The following CAAP1 variants were observed in gnomAD, a reference collection of about 807,000 sequenced individuals.
The protein encoded by CAAP1 is caspase activity and apoptosis inhibitor 1.
A neutral mutation model predicts 34.0 loss-of-function variants in CAAP1; 20 were observed. The ratio of observed to expected loss-of-function variants is 0.59; its 90% CI spans 0.41 to 0.86. CAAP1 has a LOEUF of 0.86. CAAP1 is among the 40% of genes least tolerant of loss of function. CAAP1 has a pLI of 0.00. For missense variants in CAAP1, 538 were observed against 450.5 expected (o/e 1.19, Z -1.76); for synonymous variants, 213 against 166.7 (o/e 1.28, Z -2.14).
chr9:26,854,715 A>C (rs1184916008), intron 5 of CAAP1, among the ~76,000 whole-genome samples: 1 of 152,234 alleles, frequency 6.6e-6, no homozygotes, highest in Non-Finnish European at 1.5e-5. Context: ...ATACGAAAAC[A>C]ACCCAGTTTT....
chr9:26,871,450 G>A (rs935216953), intron 4 of CAAP1, among the ~76,000 whole-genome samples: 6 of 151,710 alleles, frequency 4.0e-5, no homozygotes, highest in South Asian at 2.1e-4. Context: ...AGTGGTACTC[G>A]CCTGTAATCC....
chr9:26,889,907 CAG>C (rs1445101609), intron 1 of CAAP1, among the ~76,000 whole-genome samples: 1 of 144,922 alleles, frequency 6.9e-6, no homozygotes, highest in Non-Finnish European at 1.5e-5. Flanking sequence ...CAATACACAA[CAG>C]ATATAATGGC....
At chr9:26,885,723 T>C (rs1036227516) in intron 3 of CAAP1, among the ~76,000 whole-genome samples, 1 of 152,112 alleles carries the variant, frequency 6.6e-6, no homozygotes, top group African/African-American at 2.4e-5. Flanking sequence ...TGGGTCTTAT[T>C]AGAGAGTAAA....
At chr9:26,864,577 A>C (rs534346622) in intron 4 of CAAP1, among the ~76,000 whole-genome samples, 61 of 152,296 alleles carry the variant, frequency 4.0e-4, no homozygotes, top group African/African-American at 1.5e-3. Flanking sequence ...TGATTCTCTA[A>C]GGCTTCATTG....
chr9:26,859,476 C>T (rs187860785), intron 5 of CAAP1, among the ~76,000 whole-genome samples: 201 of 152,262 alleles, frequency 1.3e-3, no homozygotes, highest in African/African-American at 4.8e-3. Context: ...CTTTTCTTAT[C>T]CTTTATAGAA....
intron 4 of CAAP1, among the ~76,000 whole-genome samples, chr9:26,876,942 C>A (rs1352248429): frequency 6.6e-6 from 1 of 152,024 alleles, no homozygotes; most frequent in Non-Finnish European, 1.5e-5. Flanking sequence ...TCACTTGAGG[C>A]TGGGAGTTCA....
At chr9:26,885,304 T>C (rs972771929) in intron 3 of CAAP1, among the ~76,000 whole-genome samples, 2 of 151,956 alleles carry the variant, frequency 1.3e-5, no homozygotes, top group Non-Finnish European at 2.9e-5. Flanking sequence ...CTCGAACTCC[T>C]GACCTTGTGA....
Position 26,892,395 on chromosome 9 carries a change from A to G in CAAP1, c.303+18T>C. The G allele has an allele frequency of 6.2e-7, 1 of 1,604,204 alleles. No individual in the cohort carries two copies. The highest frequency in any genetic ancestry group is 8.5e-7 in the Non-Finnish European group (1 of 1,178,674). On this transcript the variant is annotated intron_variant, in intron 1 of 5. Coordinates refer to ENST00000333916, the MANE Select transcript of CAAP1 (RefSeq NM_024828.4). ...AAAGCAGCAGCTCCAGGAAGCGGCC[A>G]GAGGGGCGCGCACGCACCTGCTGCA... is the stretch of plus-strand genomic sequence containing the variant.
intron 5 of CAAP1, among the ~76,000 whole-genome samples, chr9:26,857,803 C>A (rs192608978): frequency 6.6e-6 from 1 of 152,124 alleles, no homozygotes; most frequent in Non-Finnish European, 1.5e-5. Flanking sequence ...AGTGTAAAAT[C>A]TGATACTCAT....
chr9:26,891,111 G>A (rs954560739), intron 1 of CAAP1, among the ~76,000 whole-genome samples: 17 of 152,298 alleles, frequency 1.1e-4, no homozygotes, highest in Admixed American at 6.5e-4. Context: ...AGGAGAAAAA[G>A]TATGTGATCA....
chr9:26,866,059 C>T (rs1161472368), intron 4 of CAAP1, among the ~76,000 whole-genome samples: 1 of 152,126 alleles, frequency 6.6e-6, no homozygotes, highest in African/African-American at 2.4e-5. Context: ...GTTGGCCAGG[C>T]TAGTCTCAAA....
rs1203147044 is a variant in CAAP1 at position 26,886,110 on chromosome 9, G to A, written c.583C>T (p.Leu195Phe). The A allele has an allele frequency of 1.3e-6, 2 of 1,537,812 alleles. No individual in the cohort carries two copies. Among genetic ancestry groups the A allele is most frequent in the South Asian group, 2.6e-5 (2 of 77,324 alleles). Residue 195 changes from leucine (L) to phenylalanine (F), a missense_variant, in exon 3 of 6, where the codon CTT becomes TTT. Physicochemically the swap from Leu to Phe is conservative, Grantham distance 22 (BLOSUM62 0). Around this residue, in one of 3 missense-constraint regions of CAAP1, gnomAD observed 514 missense variants for 408.4 expected, o/e 1.26. Coordinates refer to ENST00000333916, the MANE Select transcript of CAAP1 (RefSeq NM_024828.4). ...TAAAAATATGTATTCTTACCCTCAAGAATCTTCAAAATTTTTTTTTCAGAC... is the reference window on the plus strand; with the variant it reads ...TAAAAATATGTATTCTTACCCTCAAAAATCTTCAAAATTTTTTTTTCAGAC... The part of the protein sequence containing the change: ...LLSEKKILKI[L>F]EGDNGMDSDM...
intron 5 of CAAP1, among the ~76,000 whole-genome samples, chr9:26,857,241 A>C (rs1394997610): frequency 6.6e-6 from 1 of 152,238 alleles, no homozygotes; most frequent in African/African-American, 2.4e-5. Flanking sequence ...GCGCATGCAC[A>C]CATACACCTA....
Position 26,892,575 on chromosome 9 carries a change from C to G in CAAP1, c.141G>C (p.Gly47=). 6.3e-7 allele frequency: 1 copy of G among 1,594,390 alleles called. No individual in the cohort carries two copies. The highest frequency in any genetic ancestry group is 8.5e-7 in the Non-Finnish European group (1 of 1,171,408). Reference sequence around the variant, plus strand: ...CACAGCAGCTGACGCTCCCGCAGCCCCCGGCGCTCCCGCAGCCGCTAGTGC... The same window carrying G: ...CACAGCAGCTGACGCTCCCGCAGCCGCCGGCGCTCCCGCAGCCGCTAGTGC... ...SGSTSGCGSA[G]GCGSVSCCGN... The change falls in exon 1 of 6, where the codon GGG becomes GGC. Residue 47 remains glycine (G), a synonymous_variant. Coordinates refer to ENST00000333916, the MANE Select transcript of CAAP1 (RefSeq NM_024828.4).
At chr9:26,888,835 A>G (rs1215293034) in intron 1 of CAAP1, among the ~76,000 whole-genome samples, 1 of 152,252 alleles carries the variant, frequency 6.6e-6, no homozygotes, top group Non-Finnish European at 1.5e-5. Context: ...AAAGGCAGAA[A>G]CAACACAAAT....
chr9:26,872,721 A>G (rs1260124954), intron 4 of CAAP1, among the ~76,000 whole-genome samples: 1 of 151,802 alleles, frequency 6.6e-6, no homozygotes, highest in Non-Finnish European at 1.5e-5. Context: ...CATCCCCTAA[A>G]ATAATTCTTA....
In CAAP1 at chr9:26,892,201, G is replaced by A. The variant is rs527868063; in HGVS notation, c.303+212C>T. On this transcript the variant is annotated intron_variant, in intron 1 of 5. Coordinates refer to ENST00000333916, the MANE Select transcript of CAAP1 (RefSeq NM_024828.4). ...AAATAAATTAAAAAAAAAGTGATCA[G>A]GAAATCCAGAAACTTGAAGTTCAAG... 19 of 1,345,372 alleles carry A rather than the reference G, an allele frequency of 1.4e-5. No individual in the cohort carries two copies. In the Middle Eastern group the frequency reaches 1.3e-3, roughly 92 times the overall value. 83.3% of individuals were successfully genotyped at this position (1,345,372 alleles called of 1,614,324 possible). A position where few individuals can be genotyped will look rare whatever the true frequency, so the allele number is the denominator to read the frequency against.
chr9:26,842,516 T>A lies in CAAP1; in HGVS notation c.871A>T (p.Ile291Leu). The change falls in exon 6 of 6, where the codon ATA becomes TTA. Residue 291 changes from isoleucine to leucine, a missense_variant. Ile to Leu is a conservative substitution (Grantham distance 5). This residue lies in a region of CAAP1 where 514 missense variants were observed against 408.4 expected (regional missense o/e 1.26). Coordinates refer to ENST00000333916, the MANE Select transcript of CAAP1 (RefSeq NM_024828.4). Reference sequence around the variant, plus strand: ...TCAATGTCTTTCTCCAGGTCATCTATCTGACCAGCTTCACTTTGGACTGTA... The same window carrying A: ...TCAATGTCTTTCTCCAGGTCATCTAACTGACCAGCTTCACTTTGGACTGTA... Reference protein sequence around the residue: ...ENTVQSEAGQIDDLEKDIEKS... With the variant: ...ENTVQSEAGQLDDLEKDIEKS... 1 of 1,614,224 alleles carries A rather than the reference T, an allele frequency of 6.2e-7. No individual in the cohort carries two copies. The highest frequency in any genetic ancestry group is 1.7e-5 in the Admixed American group (1 of 60,024).
At chr9:26,857,008 G>A (rs1822885305) in intron 5 of CAAP1, among the ~76,000 whole-genome samples, 1 of 152,168 alleles carries the variant, frequency 6.6e-6, no homozygotes. Context: ...TTTTACTATT[G>A]CTGAATGTCT....
Sources: allele counts gnomAD v4.1 joint callset (sites outside exome capture counted in the v4.1 genomes callset), GRCh38; gene constraint gnomAD v4.1.1; regional missense constraint gnomAD v4.1.1; transcripts MANE v1.5; gene names NCBI Gene and HGNC (gene_info 2026-07-23, HGNC 2026-07-21).